The following ZNRF3 variants were observed in gnomAD, a reference collection of about 807,000 sequenced individuals.
ZNRF3 encodes E3 ubiquitin-protein ligase ZNRF3.
A neutral mutation model predicts 72.5 loss-of-function variants in ZNRF3; 23 were observed. The observed-to-expected ratio is 0.32, with a 90% CI of 0.23 to 0.45. The LOEUF (loss-of-function observed/expected upper bound fraction) is 0.45. Ranked by LOEUF, ZNRF3 falls within the 20% of genes least tolerant of loss-of-function variation. ZNRF3 has a pLI of 1.00. For synonymous variants in ZNRF3, 610 were observed against 545.3 expected, an observed-to-expected ratio of 1.12 and a Z score of -1.65; for missense variants, 1,169 against 1,272.1, an observed-to-expected ratio of 0.92 and a Z score of 1.23.
chr22:28,933,171 T>G (rs2034742690), intron 1 of ZNRF3, among the ~76,000 whole-genome samples: 2 of 152,226 alleles, frequency 1.3e-5, no homozygotes, highest in African/African-American at 4.8e-5. Flanking sequence ...AACGCATTCT[T>G]CTCAATTATA....
chr22:28,999,835 C>A (rs1187247781), intron 2 of ZNRF3, among the ~76,000 whole-genome samples: 2 of 152,144 alleles, frequency 1.3e-5, no homozygotes, highest in East Asian at 3.8e-4. Context: ...GCACCACACC[C>A]CTAACCTCGG....
At chr22:29,047,881 A>T (rs1386866225) in intron 6 of ZNRF3, among the ~76,000 whole-genome samples, 2 of 152,194 alleles carry the variant, frequency 1.3e-5, no homozygotes, top group African/African-American at 4.8e-5. Context: ...TTCAGGATCC[A>T]GTAAAGGAGG....
rs773638088 is a variant in ZNRF3, at chr22:29,053,574, C to G, written c.2768-5C>G. ...CCCCTGATGATTGTTCTCTCTCTTT[C>G]CCAGGACCGAGATCTCACTCAGCAG... On this transcript the variant is annotated splice_polypyrimidine_tract_variant and splice_region_variant and intron_variant, in intron 8 of 8. Coordinates refer to ENST00000544604, the MANE Select transcript of ZNRF3 (RefSeq NM_001206998.2). The G allele has an allele frequency of 4.7e-5, 76 of 1,613,064 alleles. No individual in the cohort carries two copies. The South Asian group carries it at 5.2e-4, about 11-fold the overall frequency.
intron 2 of ZNRF3, among the ~76,000 whole-genome samples, chr22:29,020,886 TC>T (rs1450119575): frequency 1.3e-5 from 2 of 151,188 alleles, no homozygotes; most frequent in Admixed American, 6.6e-5. Flanking sequence ...AAGCTCCACT[TC>T]CTGGGTTTAC....
intron 2 of ZNRF3, chr22:29,031,537 G>T: frequency 1.0e-6 from 1 of 976,492 alleles, no homozygotes; most frequent in Non-Finnish European, 1.2e-6. Flanking sequence ...TCATGCTTCA[G>T]AGAACAGCAG....
chr22:28,914,578 G>GCCT (rs1173440910), intron 1 of ZNRF3, among the ~76,000 whole-genome samples: 1 of 151,056 alleles, frequency 6.6e-6, no homozygotes, highest in Non-Finnish European at 1.5e-5. Context: ...ACTTTGGGAG[G>GCCT]CCGAGGTGGG....
intron 1 of ZNRF3, among the ~76,000 whole-genome samples, chr22:28,892,199 G>GC (rs58693491): frequency 6.6e-6 from 1 of 152,196 alleles, no homozygotes; most frequent in East Asian, 1.9e-4. Flanking sequence ...ATTCAGTGGT[G>GC]CCCCCCGTCC....
At chr22:28,900,299 A>G (rs1421885749) in intron 1 of ZNRF3, among the ~76,000 whole-genome samples, 2 of 152,338 alleles carry the variant, frequency 1.3e-5, no homozygotes, top group East Asian at 3.9e-4. Context: ...GCCATCACCC[A>G]TAAGTGGGAT....
chr22:28,888,027 CT>C (rs2123741444), intron 1 of ZNRF3, among the ~76,000 whole-genome samples: 1 of 152,164 alleles, frequency 6.6e-6, no homozygotes, highest in South Asian at 2.1e-4. Context: ...TAGAAGGAAT[CT>C]GAATGACAGG....
chr22:28,980,194 G>A (rs1001574342), intron 1 of ZNRF3, among the ~76,000 whole-genome samples: 6 of 151,602 alleles, frequency 4.0e-5, no homozygotes, highest in South Asian at 2.1e-4. Context: ...GAGTGTGGAA[G>A]TACAGGCATT....
At chr22:28,927,671 G>A (rs1051638064) in intron 1 of ZNRF3, among the ~76,000 whole-genome samples, 2 of 152,178 alleles carry the variant, frequency 1.3e-5, no homozygotes, top group Non-Finnish European at 2.9e-5. Context: ...AGCTGGACAG[G>A]TCTACAAGCT....
At chr22:28,939,982 A>G (rs2034912573) in intron 1 of ZNRF3, among the ~76,000 whole-genome samples, 1 of 152,216 alleles carries the variant, frequency 6.6e-6, no homozygotes, top group South Asian at 2.1e-4. Context: ...CTCATTATGA[A>G]TTAACTTAAT....
chr22:28,982,315 C>T (rs371609639), intron 1 of ZNRF3, among the ~76,000 whole-genome samples: 314 of 151,292 alleles, frequency 2.1e-3, no homozygotes, highest in Admixed American at 2.6e-3. Flanking sequence ...ATGTGTAAAC[C>T]GGTCAGGTGC....
chr22:28,946,542 G>A (rs1276015638), intron 1 of ZNRF3, among the ~76,000 whole-genome samples: 1 of 152,224 alleles, frequency 6.6e-6, no homozygotes, highest in Non-Finnish European at 1.5e-5. Flanking sequence ...TTATGAGAAA[G>A]TCCAGGTAGA....
intron 8 of ZNRF3, among the ~76,000 whole-genome samples, chr22:29,052,346 A>T (rs1444640642): frequency 6.6e-6 from 1 of 152,116 alleles, no homozygotes; most frequent in Non-Finnish European, 1.5e-5. Context: ...TTGAAACATA[A>T]GTTGATGTCT....
At chr22:28,927,520 C>A (rs950509116) in intron 1 of ZNRF3, among the ~76,000 whole-genome samples, 1 of 152,184 alleles carries the variant, frequency 6.6e-6, no homozygotes, top group Admixed American at 6.5e-5. Flanking sequence ...CTTAGAATGG[C>A]TTTATATGAA....
chr22:29,031,824 A>G (rs1479672793), intron 2 of ZNRF3, among the ~76,000 whole-genome samples: 1 of 152,194 alleles, frequency 6.6e-6, no homozygotes, highest in Non-Finnish European at 1.5e-5. Flanking sequence ...CCACAGGAGC[A>G]GGCCTGGTGG....
intron 4 of ZNRF3, 24 bp from the exon 5 acceptor site, chr22:29,044,756 C>T: frequency 1.3e-6 from 2 of 1,541,496 alleles, no homozygotes; most frequent in South Asian, 1.1e-5. Flanking sequence ...GGCTGTGACT[C>T]ACTGTGTCTG....
At chr22:29,029,448 G>T (rs2036704932) in intron 2 of ZNRF3, among the ~76,000 whole-genome samples, 1 of 152,126 alleles carries the variant, frequency 6.6e-6, no homozygotes, top group East Asian at 1.9e-4. Flanking sequence ...ATTGTAAGTA[G>T]TCCCAGTGCA....
Sources: allele counts gnomAD v4.1 joint callset (sites outside exome capture counted in the v4.1 genomes callset), GRCh38; gene constraint gnomAD v4.1.1; transcripts MANE v1.5; gene names NCBI Gene and HGNC (gene_info 2026-07-23, HGNC 2026-07-21).